FASN: variants seen among roughly 807,000 people sequenced by gnomAD.
FASN encodes the protein fatty acid synthase, also known as 3-hydroxyacyl-[acyl-carrier-protein] dehydratase.
Under a neutral mutation model 250.0 loss-of-function variants are expected in FASN, and 50 were observed. The ratio of observed to expected loss-of-function variants is 0.20; its 90% confidence interval spans 0.16 to 0.25. The LOEUF (loss-of-function observed/expected upper bound fraction) is 0.25, where lower values mean the gene tolerates loss of function less well. Among genes scored for constraint, FASN ranks in the 10% least tolerant of loss-of-function variants. FASN has a pLI of 1.00. For synonymous variants in FASN, 1,909 were observed against 1,584.0 expected (o/e 1.21, Z -4.87); for missense variants, 3,031 against 3,498.5 (o/e 0.87, Z 3.37).
Position 82,087,676 on chromosome 17 carries a change from A to G in FASN, c.3043+9T>C, listed in dbSNP as rs752600815. On this transcript the variant is annotated intron_variant, in intron 19 of 42. Transcript: ENST00000306749. ...CGGTGGCTTGGGCAGCAGTGTAGTC[A>G]GTACCCACCTTCCAGGCTGGCCTCC... 12 of 1,610,650 alleles carry G rather than the reference A, an allele frequency of 7.5e-6. No individual in the cohort carries two copies. In the Admixed American group the frequency reaches 1.8e-4, roughly 25 times the overall value.
rs1054336879 is a variant in FASN at position 82,088,567 on chromosome 17, G to A, written c.2421-5C>T. 7.5e-6 allele frequency: 12 copies of A among 1,603,554 alleles called. No individual in the cohort carries two copies. The highest frequency in any genetic ancestry group is 1.7e-5 in the Admixed American group (1 of 59,618). ...GCATTGGGGTTGGCGTCGATGCTAC[G>A]GAGAAGGGAGGCATGGGTAGCACAC... On this transcript the variant is annotated splice_polypyrimidine_tract_variant and splice_region_variant and intron_variant, in intron 15 of 42. Transcript: ENST00000306749.
chr17:82,081,274 A>G lies in FASN; in HGVS notation c.6485T>C (p.Val2162Ala), dbSNP rs1214903149. 1 of 1,566,640 alleles carries G rather than the reference A, an allele frequency of 6.4e-7. No individual in the cohort carries two copies. The highest frequency in any genetic ancestry group is 1.9e-5 in the Admixed American group (1 of 52,908). The change falls in exon 38 of 43, where the codon GTG becomes GCG. Residue 2162 changes from valine to alanine, a missense_variant. Val to Ala is a moderately conservative substitution (Grantham distance 64). Coordinates refer to ENST00000306749, the MANE Select transcript of FASN (RefSeq NM_004104.5). ...LGLDSLMSVE[V>A]RQTLERELNL... is the part of the protein sequence containing the mutation. ...GAGCTCACGCTCCAGCGTCTGGCGC[A>G]CCTCCACGCTCATGAGCGAGTCCAG...
In FASN at chr17:82,085,150, G is replaced by A. The variant is rs1481955844; in HGVS notation, c.4294C>T (p.Leu1432=). The A allele has an allele frequency of 5.0e-6, 8 of 1,612,536 alleles. No homozygotes were observed. Among genetic ancestry groups the A allele is most frequent in the African/African-American group, 2.7e-5 (2 of 74,928 alleles). ...GGCCGGGAAGAGTCTTCGTCAGCCA[G>A]GATGCCCTACAGCGGGTCGGGGAGG... ...FRWVESLKGI[L]ADEDSSRPVW... Residue 1432 remains leucine (L), a synonymous_variant, in exon 25 of 43, where the codon CTG becomes TTG. Coordinates refer to ENST00000306749, the MANE Select transcript of FASN (RefSeq NM_004104.5).
chr17:82,080,695 G>A lies in FASN; in HGVS notation c.6823C>T (p.Arg2275Ter). 6.3e-7 allele frequency: 1 copy of A among 1,587,870 alleles called. No individual in the cohort carries two copies. Among genetic ancestry groups the A allele is most frequent in the Non-Finnish European group, 8.6e-7 (1 of 1,168,178 alleles). ...SIPTYGLQCT[R>*]AAPLDSIHSL... ...CCAGAGGAGGGCCCGGGAGTACCTC[G>A]GGTGCACTGCAGGCCATAGGTGGGG... The change falls in exon 39 of 43, where the codon CGA becomes TGA. Residue 2275 changes from arginine (R) to a stop codon, truncating the protein, a stop_gained. Coordinates refer to ENST00000306749, the MANE Select transcript of FASN (RefSeq NM_004104.5). LOFTEE classifies it high-confidence loss of function.
chr17:82,083,418 A>G lies in FASN; in HGVS notation c.5349T>C (p.Ala1783=), dbSNP rs2034027794. Residue 1783 remains alanine, a synonymous_variant, in exon 32 of 43, where the codon GCT becomes GCC. Transcript: ENST00000306749. ...DLSQNHPLGM[A]IFLKNVTFHG... ...GGAATGTCACGTTCTTCAGGAAGAT[A>G]GCCATGCCTGCGGGCAGGGGCCGTG... is the stretch of plus-strand genomic sequence containing the variant. The G allele has an allele frequency of 6.2e-7, 1 of 1,612,764 alleles. No homozygotes were observed. Among genetic ancestry groups the G allele is most frequent in the African/African-American group, 1.3e-5 (1 of 75,064 alleles).
chr17:82,096,743 C>T, intron 1 of FASN: 2 of 460,860 alleles, frequency 4.3e-6, no homozygotes, highest in East Asian at 4.3e-5. Flanking sequence ...CCCTGGCCTC[C>T]CCAGCAGTTA....
Position 82,084,583 on chromosome 17 carries a change from G to A in FASN, c.4698C>T (p.Val1566=). The A allele has an allele frequency of 1.2e-6, 2 of 1,611,116 alleles. No homozygotes were observed. Among genetic ancestry groups the A allele is most frequent in the Non-Finnish European group, 1.7e-6 (2 of 1,179,328 alleles). Residue 1566 remains valine (V), a synonymous_variant, in exon 27 of 43, where the codon GTC becomes GTT. Coordinates refer to ENST00000306749, the MANE Select transcript of FASN (RefSeq NM_004104.5). ...PTCPGAQLCT[V]YYASLNFRDI... ...CGCGGAAGTTGAGGGAGGCGTAGTA[G>A]ACCGTGCAGAGCTGGGCGCCAGGGC...
rs763226169 is a variant in FASN at position 82,092,597 on chromosome 17, A to C, written c.895-8T>G. 31 of 1,545,300 alleles carry C rather than the reference A, an allele frequency of 2.0e-5. No homozygotes were observed. In the Admixed American group the frequency reaches 4.9e-4, roughly 24 times the overall value. On this transcript the variant is annotated splice_region_variant and splice_polypyrimidine_tract_variant and intron_variant, in intron 7 of 42. Transcript: ENST00000306749. Reference sequence around the variant, plus strand: ...CTCCTGGGGGTCGCCCACCTGTGGGAAACATGGGGGGTGAGGGGCTCTGGC... The same window carrying C: ...CTCCTGGGGGTCGCCCACCTGTGGGCAACATGGGGGGTGAGGGGCTCTGGC...
intron 40 of FASN, 26 bp from the exon 41 acceptor site, chr17:82,080,264 C>A (rs2033963021): frequency 6.2e-7 from 1 of 1,612,582 alleles, no homozygotes; most frequent in South Asian, 1.1e-5. Flanking sequence ...GACTGCTGAG[C>A]AGATGGAAGG....
intron 2 of FASN, 86 bp from the exon 3 acceptor site, chr17:82,095,558 C>T: frequency 6.6e-7 from 1 of 1,523,934 alleles, no homozygotes; most frequent in Non-Finnish European, 9.0e-7. Context: ...CCTGGAGGGG[C>T]CATGGTGGAA....
Position 82,081,838 on chromosome 17 carries a change from C to A in FASN, c.6169G>T (p.Ala2057Ser). ...KRRHEGLPGL[A>S]VQWGAIGDVG... ...TCGCCGATGGCGCCCCACTGCACGG[C>A]CAGGCCTGTGGGGGAGGGGGCAGGT... Residue 2057 changes from alanine (A) to serine (S), a missense_variant, in exon 37 of 43, where the codon GCC becomes TCC. Ala to Ser is a moderately conservative substitution (Grantham distance 99, BLOSUM62 1). Coordinates refer to ENST00000306749, the MANE Select transcript of FASN (RefSeq NM_004104.5). 6.2e-7 allele frequency: 1 copy of A among 1,605,964 alleles called. No homozygotes were observed. The highest frequency in any genetic ancestry group is 8.5e-7 in the Non-Finnish European group (1 of 1,178,382).
intron 40 of FASN, 55 bp downstream of exon 40, chr17:82,080,315 C>G: frequency 1.2e-6 from 2 of 1,610,762 alleles, no homozygotes; most frequent in Non-Finnish European, 1.7e-6. Context: ...AGCCAGGGCA[C>G]AGGTGGGGAG....
In FASN at chr17:82,089,688, C is replaced by G. The variant is rs569360175; in HGVS notation, c.1909G>C (p.Gly637Arg). 2.0e-5 allele frequency: 32 copies of G among 1,590,248 alleles called. No homozygotes were observed. In the African/African-American group the frequency reaches 4.2e-4, roughly 21 times the overall value. Residue 637 changes from glycine (G) to arginine (R), a missense_variant, in exon 12 of 43, where the codon GGC (glycine) becomes CGC (arginine). By Grantham distance (125) the Gly-to-Arg change is moderately radical. Coordinates refer to ENST00000306749, the MANE Select transcript of FASN (RefSeq NM_004104.5). ...WEECKQRCPP[G>R]VVPACHNSKD... The stretch of plus-strand genomic sequence containing the variant: ...GAGTTGTGGCAGGCGGGCACCACGC[C>G]CGGGGGGCAGCGCTGTTTACACTCC...
chr17:82,089,431 C>T, intron 12 of FASN, 47 bp from the exon 13 acceptor site: 1 of 1,612,526 alleles, frequency 6.2e-7, no homozygotes, highest in Non-Finnish European at 8.5e-7. Flanking sequence ...GGGCACCCAC[C>T]TCAGGCTCGG....
Position 82,093,432 on chromosome 17 carries a change from G to C in FASN, c.455-13C>G, listed in dbSNP as rs764894347. The C allele has an allele frequency of 2.1e-5, 33 of 1,595,834 alleles. No individual in the cohort carries two copies. The highest frequency in any genetic ancestry group is 3.4e-6 in the Non-Finnish European group (4 of 1,173,956). ...GCGATGCTGGGCCCTGCAAGGAAGG[G>C]TGCTGCGGCTCAGGTGGGGCTGTGA... On this transcript the variant is annotated splice_polypyrimidine_tract_variant and intron_variant, in intron 4 of 42. Coordinates refer to ENST00000306749, the MANE Select transcript of FASN (RefSeq NM_004104.5).
In FASN at chr17:82,084,519, T is replaced by C. The variant is rs776661006; in HGVS notation, c.4762A>G (p.Ile1588Val). The change falls in exon 27 of 43, where the codon ATC becomes GTC. Residue 1588 changes from isoleucine (I) to valine (V), a missense_variant. Transcript: ENST00000306749. ...LATGKLSPDA[I>V]PGKWTSQDSL... ...GGCCCCATGCCACCCATACCTGGGATGGCATCAGGGGACAGCTTGCCAGTG... is the reference window on the plus strand; with the variant it reads ...GGCCCCATGCCACCCATACCTGGGACGGCATCAGGGGACAGCTTGCCAGTG... The C allele has an allele frequency of 5.0e-6, 8 of 1,609,166 alleles. No homozygotes were observed. In the East Asian group the frequency reaches 6.7e-5, roughly 13 times the overall value.
At chr17:82,095,146 C>T (rs113599838) in intron 3 of FASN, among the ~76,000 whole-genome samples, 174 bp downstream of exon 3, 26 of 152,352 alleles carry the variant, frequency 1.7e-4, no homozygotes, top group African/African-American at 6.0e-4. Context: ...TGGGAAACTG[C>T]GGCCTACCCC....
chr17:82,080,940 G>T lies in FASN; in HGVS notation c.6596-18C>A. The T allele has an allele frequency of 6.3e-7, 1 of 1,588,392 alleles. No individual in the cohort carries two copies. On this transcript the variant is annotated intron_variant, in intron 38 of 42. Coordinates refer to ENST00000306749, the MANE Select transcript of FASN (RefSeq NM_004104.5). ...TGCCAGCTCTGTGAAGACAGGGGCAGATGCCAGGCTGGTCTGGGTGCAGAG... is the reference window on the plus strand; with the variant it reads ...TGCCAGCTCTGTGAAGACAGGGGCATATGCCAGGCTGGTCTGGGTGCAGAG...
chr17:82,084,066 C>A lies in FASN; in HGVS notation c.5007G>T (p.Glu1669Asp). Residue 1669 changes from glutamate to aspartate, a missense_variant, in exon 29 of 43, where the codon GAG (glutamate) becomes GAT (aspartate). Coordinates refer to ENST00000306749, the MANE Select transcript of FASN (RefSeq NM_004104.5). Reference protein sequence around the residue: ...LVVRGRVRPGETLLIHSGSGG... With the variant: ...LVVRGRVRPGDTLLIHSGSGG... Reference sequence around the variant, plus strand: ...CCGAGCCCGAGTGGATGAGCAGCGTCTCCCCGGGGCGCACCCGCCCACGCA... The same window carrying A: ...CCGAGCCCGAGTGGATGAGCAGCGTATCCCCGGGGCGCACCCGCCCACGCA... The A allele has an allele frequency of 1.9e-6, 3 of 1,550,190 alleles. No homozygotes were observed. Among genetic ancestry groups the A allele is most frequent in the Non-Finnish European group, 2.6e-6 (3 of 1,148,696 alleles).
Sources: allele counts gnomAD v4.1 joint callset (sites outside exome capture counted in the v4.1 genomes callset), GRCh38; gene constraint gnomAD v4.1.1; transcripts MANE v1.5; gene names NCBI Gene and HGNC (gene_info 2026-07-23, HGNC 2026-07-21).